The following BMP6 variants were observed in gnomAD, a reference collection of about 807,000 sequenced individuals.
The protein encoded by BMP6 is bone morphogenetic protein 6, also known as VG-1-R.
Under a neutral mutation model 54.1 loss-of-function variants are expected in BMP6, and 17 were observed. The ratio of observed to expected loss-of-function variants is 0.31; its 90% CI spans 0.22 to 0.47. BMP6 has a LOEUF of 0.47. Ranked by LOEUF, BMP6 falls within the 20% of genes least tolerant of loss-of-function variation. The pLI is 1.00. For synonymous variants in BMP6, 328 were observed against 291.2 expected (o/e 1.13, Z -1.28); for missense variants, 720 against 690.4 (o/e 1.04, Z -0.48).
intron 1 of BMP6, among the ~76,000 whole-genome samples, chr6:7,781,337 T>TGTTGAGTTTGAGGTGTTTTTGAG (rs1312871102): frequency 2.0e-5 from 3 of 151,904 alleles, no homozygotes; most frequent in Admixed American, 6.6e-5. Context: ...CGTTCATACG[T>TGTTGAGTTTGAGGTGTTTTTGAG]ACCATGCCAC....
At chr6:7,813,777 T>C (rs529584493) in intron 1 of BMP6, among the ~76,000 whole-genome samples, 9 of 152,074 alleles carry the variant, frequency 5.9e-5, no homozygotes, top group Middle Eastern at 6.8e-3. Context: ...TGATTTTGAA[T>C]ACCTGAGTTG....
intron 2 of BMP6, among the ~76,000 whole-genome samples, chr6:7,853,813 T>C (rs901587817): frequency 6.6e-6 from 1 of 151,934 alleles, no homozygotes; most frequent in Non-Finnish European, 1.5e-5. Flanking sequence ...AAAGGGATAA[T>C]ACAAGTGACC....
chr6:7,862,279 C>G, intron 3 of BMP6, 22 bp from the exon 4 acceptor site: 1 of 1,612,880 alleles, frequency 6.2e-7, no homozygotes. Context: ...TAAAGAGATG[C>G]ATGCTTTGAT....
chr6:7,871,854 G>T (rs555984983), intron 4 of BMP6, among the ~76,000 whole-genome samples: 1 of 152,218 alleles, frequency 6.6e-6, no homozygotes, highest in African/African-American at 2.4e-5. Flanking sequence ...AGGCGCATGT[G>T]GACAGCCAGG....
chr6:7,812,278 T>G (rs573115106), intron 1 of BMP6, among the ~76,000 whole-genome samples: 24 of 152,380 alleles, frequency 1.6e-4, no homozygotes, highest in Non-Finnish European at 3.1e-4. Flanking sequence ...AAAAGGTTCC[T>G]TTGGTTTGCT....
At chr6:7,743,585 C>G (rs1008269674) in intron 1 of BMP6, among the ~76,000 whole-genome samples, 1 of 152,296 alleles carries the variant, frequency 6.6e-6, no homozygotes. Context: ...TGCTCTCCCT[C>G]CCTCTCTCAT....
chr6:7,729,752 A>G (rs1761818541), intron 1 of BMP6, among the ~76,000 whole-genome samples: 1 of 152,204 alleles, frequency 6.6e-6, no homozygotes, highest in Admixed American at 6.5e-5. Context: ...ACATTGCTAC[A>G]CATTAGAATC....
intron 1 of BMP6, among the ~76,000 whole-genome samples, chr6:7,729,774 A>G (rs1761819032): frequency 6.6e-6 from 1 of 152,212 alleles, no homozygotes; most frequent in African/African-American, 2.4e-5. Flanking sequence ...CGTGGGTGTT[A>G]CGTGGGAGGT....
chr6:7,778,132 A>G (rs1365967158), intron 1 of BMP6, among the ~76,000 whole-genome samples: 2 of 152,196 alleles, frequency 1.3e-5, no homozygotes, highest in Non-Finnish European at 2.9e-5. Flanking sequence ...ATCAGAGCAC[A>G]GTAGGAAACT....
At chr6:7,835,722 C>T (rs778499614) in intron 1 of BMP6, among the ~76,000 whole-genome samples, 29 of 152,214 alleles carry the variant, frequency 1.9e-4, no homozygotes, top group Admixed American at 3.3e-4. Context: ...AATCTTTCTT[C>T]CCAACGCATG....
At chr6:7,863,649 C>T (rs937604223) in intron 4 of BMP6, among the ~76,000 whole-genome samples, 1 of 152,172 alleles carries the variant, frequency 6.6e-6, no homozygotes, top group Non-Finnish European at 1.5e-5. Context: ...CCATTCTGCT[C>T]AGAACAGACA....
At chr6:7,820,580 C>T (rs1166294260) in intron 1 of BMP6, among the ~76,000 whole-genome samples, 5 of 152,216 alleles carry the variant, frequency 3.3e-5, no homozygotes, top group Non-Finnish European at 7.3e-5. Flanking sequence ...TGTCTGCCTG[C>T]CTGGAGGAAA....
intron 1 of BMP6, among the ~76,000 whole-genome samples, chr6:7,810,133 G>A (rs908749584): frequency 1.1e-4 from 16 of 152,224 alleles, no homozygotes; most frequent in African/African-American, 3.9e-4. Flanking sequence ...ATTTTTTAAA[G>A]TCATATTCAA....
chr6:7,854,171 A>G (rs192272291), intron 2 of BMP6, among the ~76,000 whole-genome samples: 125 of 152,280 alleles, frequency 8.2e-4, no homozygotes, highest in African/African-American at 2.9e-3. Context: ...TATTTCTGGA[A>G]ACTATGCCTT....
At chr6:7,778,389 A>G (rs980159443) in intron 1 of BMP6, among the ~76,000 whole-genome samples, 6 of 152,126 alleles carry the variant, frequency 3.9e-5, no homozygotes, top group Non-Finnish European at 5.9e-5. Context: ...TGTTATTCCT[A>G]TTTTAGAGAT....
At chr6:7,856,628 G>A (rs1476728180) in intron 2 of BMP6, among the ~76,000 whole-genome samples, 35 of 52,042 alleles carry the variant, frequency 6.7e-4, no homozygotes, top group Non-Finnish European at 3.4e-4. Flanking sequence ...ACGGAGTCTC[G>A]CTCTGTCGCC....
intron 1 of BMP6, among the ~76,000 whole-genome samples, chr6:7,804,588 A>G (rs1276681913): frequency 2.0e-5 from 3 of 152,210 alleles, no homozygotes; most frequent in Non-Finnish European, 4.4e-5. Flanking sequence ...CACATGGGTA[A>G]TGCTGGAAGT....
At chr6:7,850,452 A>G (rs1439278851) in intron 2 of BMP6, among the ~76,000 whole-genome samples, 2 of 152,164 alleles carry the variant, frequency 1.3e-5, no homozygotes, top group African/African-American at 2.4e-5. Flanking sequence ...CCTCCTTACT[A>G]AAACAGGAAG....
intron 1 of BMP6, among the ~76,000 whole-genome samples, chr6:7,787,520 C>CG (rs1234003536): frequency 1.3e-5 from 2 of 152,162 alleles, no homozygotes; most frequent in Non-Finnish European, 2.9e-5. Flanking sequence ...AAAAAAAGCT[C>CG]GAAGAGGAAT....
Sources: gnomAD v4.1 joint callset for allele counts (sites outside exome capture counted in the v4.1 genomes callset) on GRCh38, gnomAD v4.1.1 for gene constraint, MANE v1.5 for transcripts, NCBI Gene and HGNC (gene_info 2026-07-23, HGNC 2026-07-21) for gene names.